Variants in PLCB1 observed in about 807,000 individuals in gnomAD.
PLCB1 encodes phospholipase C beta 1.
A neutral mutation model predicts 161.8 loss-of-function variants in PLCB1; 46 were observed. That is an observed-to-expected ratio of 0.28 (90% CI 0.22 to 0.36). The LOEUF (loss-of-function observed/expected upper bound fraction) is 0.36, where lower values mean the gene tolerates loss of function less well. Among genes scored for constraint, PLCB1 ranks in the 10% least tolerant of loss-of-function variants. The pLI, the probability that PLCB1 is intolerant of heterozygous loss-of-function variation, is 1.00. For synonymous variants in PLCB1, 517 were observed against 503.7 expected (o/e 1.03, Z -0.35); for missense variants, 1,016 against 1,472.5 (o/e 0.69, Z 5.07).
chr20:8,711,198 T>G (rs933679614), intron 12 of PLCB1, among the ~76,000 whole-genome samples: 4 of 152,344 alleles, frequency 2.6e-5, no homozygotes, highest in South Asian at 4.1e-4. Flanking sequence ...ATGCACACTT[T>G]TAACCAACAC....
intron 2 of PLCB1, among the ~76,000 whole-genome samples, chr20:8,198,786 T>C (rs2052057068): frequency 6.6e-6 from 1 of 152,174 alleles, no homozygotes. Context: ...AACTGAATGA[T>C]AGTCTTTGTA....
intron 27 of PLCB1, 144 bp downstream of exon 27, chr20:8,774,863 TCA>T: frequency 3.6e-6 from 2 of 560,252 alleles, no homozygotes; most frequent in Non-Finnish European, 6.3e-6. Context: ...ACAGTGTCCA[TCA>T]CACTATTGTT....
rs555653501 is a variant in PLCB1, at chr20:8,849,973, A to G, written c.3424-31649A>G. 7.2e-5 allele frequency among the ~76,000 whole-genome samples: 11 copies of G among 152,330 alleles called. No individual in the cohort carries two copies. In the East Asian group the frequency reaches 1.9e-3, roughly 27 times the overall value. On this transcript the variant is annotated intron_variant, in intron 31 of 31. Coordinates refer to ENST00000338037, the MANE Select transcript of PLCB1 (RefSeq NM_015192.4). ...GGTTGCAGTGAGCCGAGATCACGCC[A>G]CTGCACTCCAGCCTGGCGACAGAGC...
At chr20:8,628,255 CTAGT>C (rs760831593) in intron 3 of PLCB1, 35 bp from the exon 4 acceptor site, 99 of 1,504,428 alleles carry the variant, frequency 6.6e-5, no homozygotes, top group Admixed American at 2.5e-4. Context: ...GTTGGAATCT[CTAGT>C]TATAGACTAA....
intron 31 of PLCB1, among the ~76,000 whole-genome samples, chr20:8,870,748 C>G (rs1987581392): frequency 1.3e-5 from 2 of 152,162 alleles, no homozygotes; most frequent in South Asian, 4.1e-4. Flanking sequence ...CTGCCCTTCA[C>G]CCAACAGCCT....
intron 2 of PLCB1, among the ~76,000 whole-genome samples, chr20:8,329,874 C>T (rs1436287959): frequency 6.6e-6 from 1 of 152,162 alleles, no homozygotes; most frequent in African/African-American, 2.4e-5. Context: ...CTTATGATTG[C>T]ATGAACTCTC....
intron 31 of PLCB1, among the ~76,000 whole-genome samples, chr20:8,794,993 A>G (rs1436712810): frequency 6.6e-6 from 1 of 152,214 alleles, no homozygotes; most frequent in African/African-American, 2.4e-5. Flanking sequence ...CATGTCATCT[A>G]GAGTTCCCAA....
At chr20:8,646,529 G>A (rs1989176264) in intron 5 of PLCB1, among the ~76,000 whole-genome samples, 1 of 152,158 alleles carries the variant, frequency 6.6e-6, no homozygotes, top group Non-Finnish European at 1.5e-5. Flanking sequence ...ATCTGTGTGT[G>A]TCCTCTCAAT....
intron 23 of PLCB1, among the ~76,000 whole-genome samples, chr20:8,744,830 G>A (rs1392402122): frequency 6.6e-6 from 1 of 151,972 alleles, no homozygotes. Context: ...TAAGGCCTTT[G>A]AGGTTGTAGG....
intron 3 of PLCB1, among the ~76,000 whole-genome samples, chr20:8,588,489 T>G (rs1300701307): frequency 3.3e-5 from 5 of 152,128 alleles, no homozygotes; most frequent in Non-Finnish European, 4.4e-5. Flanking sequence ...AGATAGGGAC[T>G]TTAAAGAGGT....
chr20:8,160,280 T>G (rs957772902), intron 2 of PLCB1, among the ~76,000 whole-genome samples: 1 of 152,194 alleles, frequency 6.6e-6, no homozygotes, highest in Non-Finnish European at 1.5e-5. Context: ...TCCTGTCTCC[T>G]TCTGAGCCTT....
intron 10 of PLCB1, among the ~76,000 whole-genome samples, chr20:8,685,952 T>TA: frequency 6.6e-6 from 1 of 152,284 alleles, no homozygotes; most frequent in South Asian, 2.1e-4. Flanking sequence ...CTCAGAATGC[T>TA]AAATGCATAA....
At chr20:8,433,106 T>G (rs1980129769) in intron 3 of PLCB1, among the ~76,000 whole-genome samples, 2 of 152,184 alleles carry the variant, frequency 1.3e-5, no homozygotes, top group African/African-American at 2.4e-5. Context: ...ACAATTAGCT[T>G]TAGGGAGGAC....
intron 31 of PLCB1, among the ~76,000 whole-genome samples, chr20:8,821,379 G>A (rs953101441): frequency 2.0e-5 from 3 of 149,146 alleles, no homozygotes; most frequent in Non-Finnish European, 4.5e-5. Context: ...TCAGGAGGCT[G>A]AGGCAGGAGA....
At chr20:8,554,155 A>T (rs1305765099) in intron 3 of PLCB1, among the ~76,000 whole-genome samples, 5 of 151,994 alleles carry the variant, frequency 3.3e-5, no homozygotes, top group African/African-American at 4.8e-5. Context: ...TACAGGGGTG[A>T]TATAAAATGG....
At chr20:8,828,480 A>G (rs1985822297) in intron 31 of PLCB1, among the ~76,000 whole-genome samples, 1 of 152,250 alleles carries the variant, frequency 6.6e-6, no homozygotes, top group South Asian at 2.1e-4. Flanking sequence ...AAGCCAATCC[A>G]GACACAAGCT....
chr20:8,799,093 G>A (rs749592915), intron 31 of PLCB1, among the ~76,000 whole-genome samples: 5 of 152,104 alleles, frequency 3.3e-5, no homozygotes, highest in Admixed American at 6.6e-5. Flanking sequence ...ACTTAGATTC[G>A]CATGGATGCC....
intron 2 of PLCB1, among the ~76,000 whole-genome samples, chr20:8,366,146 G>A (rs1402331609): frequency 1.3e-5 from 2 of 151,922 alleles, no homozygotes; most frequent in African/African-American, 2.4e-5. Flanking sequence ...GTAATAATGG[G>A]TTTTGAGTAT....
intron 2 of PLCB1, among the ~76,000 whole-genome samples, chr20:8,226,258 C>T (rs1466902554): frequency 6.6e-6 from 1 of 152,146 alleles, no homozygotes; most frequent in African/African-American, 2.4e-5. Flanking sequence ...ACTAATCCTA[C>T]AGCTTCCCTT....
Sources: gnomAD v4.1 joint callset for allele counts (sites outside exome capture counted in the v4.1 genomes callset) on GRCh38, gnomAD v4.1.1 for gene constraint, MANE v1.5 for transcripts, NCBI Gene and HGNC (gene_info 2026-07-23, HGNC 2026-07-21) for gene names.